GLRA3: variants seen among roughly 807,000 people sequenced by gnomAD.
GLRA3 encodes glycine receptor subunit alpha-3.
In GLRA3, 44 loss-of-function variants were observed where a neutral mutation model predicts 60.4. The ratio of observed to expected loss-of-function variants is 0.73; its 90% CI spans 0.57 to 0.94. The LOEUF is 0.94. GLRA3 is among the 40% of genes least tolerant of loss of function. GLRA3 has a pLI of 0.00. For missense variants in GLRA3, 508 were observed against 564.6 expected (o/e 0.90, Z 1.02); for synonymous variants, 223 against 192.9 (o/e 1.16, Z -1.29).
intron 1 of GLRA3, among the ~76,000 whole-genome samples, chr4:174,807,071 T>C (rs1011216892): frequency 2.0e-5 from 3 of 152,014 alleles, no homozygotes; most frequent in Non-Finnish European, 2.9e-5. Context: ...AGACAGTCTA[T>C]CTTGAATAGG....
At chr4:174,691,469 C>T (rs566705203) in intron 5 of GLRA3, among the ~76,000 whole-genome samples, 2,135 of 152,218 alleles carry the variant, frequency 0.014, 46 homozygotes, top group African/African-American at 0.047. Flanking sequence ...GCTGCCATCT[C>T]GGCTCACTGC....
chr4:174,696,919 T>C (rs1735079967), intron 5 of GLRA3, among the ~76,000 whole-genome samples: 1 of 152,056 alleles, frequency 6.6e-6, no homozygotes, highest in Non-Finnish European at 1.5e-5. Context: ...GGATTATGAG[T>C]AGAGGCTACT....
intron 2 of GLRA3, among the ~76,000 whole-genome samples, chr4:174,779,501 G>A (rs925681155): frequency 3.3e-5 from 5 of 152,250 alleles, no homozygotes; most frequent in African/African-American, 1.2e-4. Flanking sequence ...GGCTTCAGAT[G>A]ATCAAATTAC....
rs1401719495 is a variant in GLRA3, at chr4:174,758,061, C to T, written c.267+8902G>A. On this transcript the variant is annotated intron_variant, in intron 3 of 9. Transcript: ENST00000274093. ...TCGTCCTGTAATCTCCTCATGCTGG[C>T]TCCTGTTCCCTTCCTACTTCTGCCA... 2.0e-5 allele frequency among the ~76,000 whole-genome samples: 3 copies of T among 152,276 alleles called. No individual in the cohort carries two copies. The East Asian group carries it at 5.8e-4, about 29-fold the overall frequency.
intron 8 of GLRA3, among the ~76,000 whole-genome samples, 189 bp from the exon 9 acceptor site, chr4:174,656,976 T>C (rs1733230951): frequency 1.3e-5 from 2 of 152,156 alleles, no homozygotes; most frequent in African/African-American, 4.8e-5. Flanking sequence ...AAAAACCTTT[T>C]TTCTTCATTA....
chr4:174,822,372 T>C (rs1000256076), intron 1 of GLRA3, among the ~76,000 whole-genome samples: 3 of 152,106 alleles, frequency 2.0e-5, no homozygotes, highest in African/African-American at 2.4e-5. Context: ...AGGAAGGTCA[T>C]CATAAGTGGA....
chr4:174,827,800 A>G (rs369899046), intron 1 of GLRA3, among the ~76,000 whole-genome samples: 3 of 152,196 alleles, frequency 2.0e-5, no homozygotes, highest in East Asian at 1.9e-4. Context: ...GCAATAAAGA[A>G]TATTTAAATA....
rs984216639 is a variant in GLRA3, at chr4:174,642,638, C to T, written c.*1148G>A. ...TTCATTTAAAATTATTCACATCTTG[C>T]GAATGGCTTAGATTTTGAAATCATT... On this transcript the variant is annotated 3_prime_UTR_variant, in exon 10 of 10. Transcript: ENST00000274093. 43 of 834,332 alleles carry T rather than the reference C, an allele frequency of 5.2e-5. No individual in the cohort carries two copies. Among genetic ancestry groups the T allele is most frequent in the Admixed American group, 6.2e-5 (1 of 16,008 alleles). The allele number at this position is 834,332 out of a possible 1,614,324, so 51.7% of individuals were successfully genotyped here. A position where few individuals can be genotyped will look rare whatever the true frequency, so the allele number is the denominator to read the frequency against.
intron 5 of GLRA3, among the ~76,000 whole-genome samples, chr4:174,685,809 T>G (rs1238434242): frequency 6.6e-6 from 1 of 152,110 alleles, no homozygotes; most frequent in Non-Finnish European, 1.5e-5. Flanking sequence ...AGATAAGACA[T>G]GTTTCTCATT....
intron 3 of GLRA3, among the ~76,000 whole-genome samples, chr4:174,764,294 T>C (rs1047410649): frequency 2.6e-5 from 4 of 152,110 alleles, no homozygotes; most frequent in Non-Finnish European, 5.9e-5. Flanking sequence ...ATACCAGTTA[T>C]AGACTAGACC....
In GLRA3 at chr4:174,639,247, A is replaced by C. The variant is rs1205410155; in HGVS notation, c.*4539T>G. On this transcript the variant is annotated 3_prime_UTR_variant, in exon 10 of 10. Transcript: ENST00000274093. ...GCCAAATCGAATGACTGCATGGTTC[A>C]TATTTTCCACCAGGAATCACTTAAT... The C allele has an allele frequency of 6.6e-6, 1 of 152,166 alleles. No homozygotes were observed. The highest frequency in any genetic ancestry group is 2.4e-5 in the African/African-American group (1 of 41,458). The allele number at this position is 152,166 out of a possible 1,614,324, so 9.4% of individuals were successfully genotyped here. A position where few individuals can be genotyped will look rare whatever the true frequency, so the allele number is the denominator to read the frequency against.
intron 7 of GLRA3, among the ~76,000 whole-genome samples, chr4:174,673,119 A>G (rs1159928355): frequency 1.3e-5 from 2 of 152,148 alleles, no homozygotes; most frequent in Admixed American, 1.3e-4. Context: ...AAAAATGATG[A>G]GGGTAGGTCT....
In GLRA3 at chr4:174,788,871, A is replaced by G. The variant is rs757977458; in HGVS notation, c.144T>C (p.Asp48=). The change falls in exon 2 of 10, where the codon GAT becomes GAC. Residue 48 remains aspartate (D), a synonymous_variant. Coordinates refer to ENST00000274093, the MANE Select transcript of GLRA3 (RefSeq NM_006529.4). ...ATCCTGATGTCCTGCCCATTAATTT[A>G]TCCAGAAAATCAGAAGGTGACATTG... ...SAPMSPSDFL[D]KLMGRTSGYD... 6 of 1,609,134 alleles carry G rather than the reference A, an allele frequency of 3.7e-6. No individual in the cohort carries two copies. The Admixed American group carries it at 8.4e-5, about 22-fold the overall frequency.
intron 6 of GLRA3, among the ~76,000 whole-genome samples, chr4:174,679,694 C>T (rs1010286536): frequency 2.0e-5 from 3 of 151,892 alleles, no homozygotes; most frequent in African/African-American, 7.3e-5. Flanking sequence ...GAATATTATT[C>T]AAACAAAAAA....
chr4:174,768,919 CTGAG>C (rs1348926067), intron 2 of GLRA3, among the ~76,000 whole-genome samples: 1 of 152,122 alleles, frequency 6.6e-6, no homozygotes, highest in Non-Finnish European at 1.5e-5. Context: ...TAAAATAGCT[CTGAG>C]TTACACTCTA....
chr4:174,747,622 T>C (rs1322289761), intron 3 of GLRA3, among the ~76,000 whole-genome samples: 1 of 152,090 alleles, frequency 6.6e-6, no homozygotes, highest in Non-Finnish European at 1.5e-5. Flanking sequence ...AAGTGACATA[T>C]CTGGGAAATA....
chr4:174,782,951 A>G (rs1738952345), intron 2 of GLRA3, among the ~76,000 whole-genome samples: 1 of 152,214 alleles, frequency 6.6e-6, no homozygotes, highest in African/African-American at 2.4e-5. Flanking sequence ...CTTTCTTCAC[A>G]GAATTGGAAA....
Position 174,642,954 on chromosome 4 carries a change from T to TC in GLRA3, c.*831dup. The TC allele has an allele frequency of 9.8e-6, 8 of 816,010 alleles. No individual in the cohort carries two copies. Among genetic ancestry groups the TC allele is most frequent in the Non-Finnish European group, 1.2e-5 (8 of 675,958 alleles). 50.5% of individuals were successfully genotyped at this position (816,010 alleles called of 1,614,324 possible). A position where few individuals can be genotyped will look rare whatever the true frequency, so the allele number is the denominator to read the frequency against. ...TGTTATATCAAATTATTAAACACAA[T>TC]CACATACAGTTAAGTAGCTATTAAA... is the stretch of plus-strand genomic sequence containing the variant. On this transcript the variant is annotated 3_prime_UTR_variant, in exon 10 of 10. Transcript: ENST00000274093.
At chr4:174,765,954 T>A (rs976273244) in intron 3 of GLRA3, among the ~76,000 whole-genome samples, 17 of 149,244 alleles carry the variant, frequency 1.1e-4, no homozygotes, top group Admixed American at 2.7e-4. Context: ...TTTTTTTTTT[T>A]AAATGATGCC....
Sources: gnomAD v4.1 joint callset for allele counts (sites outside exome capture counted in the v4.1 genomes callset) on GRCh38, gnomAD v4.1.1 for gene constraint, MANE v1.5 for transcripts, NCBI Gene and HGNC (gene_info 2026-07-23, HGNC 2026-07-21) for gene names.